INPP4B: variants seen among roughly 807,000 people sequenced by gnomAD.
The protein encoded by INPP4B is inositol polyphosphate 4-phosphatase type II.
A neutral mutation model predicts 122.5 loss-of-function variants in INPP4B; 55 were observed. The ratio of observed to expected loss-of-function variants is 0.45; its 90% CI spans 0.36 to 0.56. The LOEUF (loss-of-function observed/expected upper bound fraction) is 0.56. Among genes scored for constraint, INPP4B ranks in the 20% least tolerant of loss-of-function variants. The probability of loss-of-function intolerance (pLI) is 0.00; values close to 1 mark genes in which losing one functional copy is unlikely to be tolerated. For missense variants in INPP4B, 1,000 were observed against 1,097.7 expected, an observed-to-expected ratio of 0.91 and a Z score of 1.26; for synonymous variants, 403 against 388.7, an observed-to-expected ratio of 1.04 and a Z score of -0.43.
chr4:142,401,154 G>T (rs569276583), intron 7 of INPP4B, among the ~76,000 whole-genome samples: 86 of 151,962 alleles, frequency 5.7e-4, no homozygotes, highest in Non-Finnish European at 1.0e-3. Context: ...CTGCACAGTT[G>T]CATCACCCAC....
At chr4:142,469,823 G>C (rs1818481617) in intron 2 of INPP4B, among the ~76,000 whole-genome samples, 1 of 152,100 alleles carries the variant, frequency 6.6e-6, no homozygotes, top group Admixed American at 6.5e-5. Context: ...AATTGAAATT[G>C]ATATAAATGG....
chr4:142,496,626 T>C (rs776775553), intron 2 of INPP4B, among the ~76,000 whole-genome samples: 1 of 152,182 alleles, frequency 6.6e-6, no homozygotes, highest in East Asian at 1.9e-4. Flanking sequence ...TTGTTTCCTA[T>C]TGCTTTAGAT....
chr4:142,604,623 T>C (rs1740815970), intron 2 of INPP4B, among the ~76,000 whole-genome samples: 1 of 151,726 alleles, frequency 6.6e-6, no homozygotes, highest in South Asian at 2.1e-4. Context: ...ATCCCATATA[T>C]AATAGCTACA....
intron 2 of INPP4B, among the ~76,000 whole-genome samples, chr4:142,494,337 A>G (rs1451433409): frequency 6.6e-6 from 1 of 152,196 alleles, no homozygotes; most frequent in East Asian, 1.9e-4. Context: ...TAAACACTAT[A>G]GATAATATTA....
intron 12 of INPP4B, among the ~76,000 whole-genome samples, chr4:142,233,122 C>T (rs748196031): frequency 3.9e-4 from 59 of 152,058 alleles, no homozygotes; most frequent in Non-Finnish European, 7.3e-4. Context: ...TCATTGATGA[C>T]GGTGGCTATC....
At chr4:142,801,551 C>T (rs868089816) in intron 1 of INPP4B, among the ~76,000 whole-genome samples, 2 of 152,192 alleles carry the variant, frequency 1.3e-5, no homozygotes, top group African/African-American at 4.8e-5. Context: ...ACTCCATCTT[C>T]GACTTTCAGC....
chr4:142,287,625 T>A (rs1012411870), intron 9 of INPP4B: 3 of 152,098 alleles, frequency 2.0e-5, no homozygotes, highest in Non-Finnish European at 4.4e-5. Context: ...AAAAACCCCA[T>A]CCTGTGGAAC....
chr4:142,658,374 T>G (rs1175172239), intron 2 of INPP4B, among the ~76,000 whole-genome samples: 1 of 152,198 alleles, frequency 6.6e-6, no homozygotes, highest in African/African-American at 2.4e-5. Flanking sequence ...AAGGGCTAAC[T>G]AAATGGACTA....
chr4:142,604,076 C>T (rs763038971), intron 2 of INPP4B, among the ~76,000 whole-genome samples: 10 of 151,990 alleles, frequency 6.6e-5, no homozygotes, highest in East Asian at 1.9e-4. Flanking sequence ...GTTCAATACA[C>T]GCAAATCAAT....
At chr4:142,122,693 A>C (rs1056260556) in intron 20 of INPP4B, among the ~76,000 whole-genome samples, 2 of 152,144 alleles carry the variant, frequency 1.3e-5, no homozygotes, top group Non-Finnish European at 2.9e-5. Flanking sequence ...ACTCTCTAAC[A>C]GAAATATGTG....
At chr4:142,587,129 C>G (rs965127289) in intron 2 of INPP4B, among the ~76,000 whole-genome samples, 4 of 152,038 alleles carry the variant, frequency 2.6e-5, no homozygotes, top group African/African-American at 9.7e-5. Context: ...TATGAAATAA[C>G]TGATTTTTTA....
intron 18 of INPP4B, among the ~76,000 whole-genome samples, chr4:142,144,220 GATACACAC>G (rs1561275191): frequency 2.7e-5 from 2 of 74,262 alleles, no homozygotes; most frequent in African/African-American, 1.0e-4. Flanking sequence ...TGAAATACAA[GATACACAC>G]ACACACACAC....
At chr4:142,385,684 A>C (rs866544102) in intron 7 of INPP4B, among the ~76,000 whole-genome samples, 1 of 152,210 alleles carries the variant, frequency 6.6e-6, no homozygotes, top group African/African-American at 2.4e-5. Context: ...TTCATAAAAT[A>C]ACAATGAAAT....
At chr4:142,761,654 C>A (rs1771362066) in intron 1 of INPP4B, among the ~76,000 whole-genome samples, 1 of 152,126 alleles carries the variant, frequency 6.6e-6, no homozygotes, top group African/African-American at 2.4e-5. Flanking sequence ...GTTGACCAAG[C>A]ACTTGTGATA....
chr4:142,535,228 G>A (rs1482681282), intron 2 of INPP4B, among the ~76,000 whole-genome samples: 1 of 152,160 alleles, frequency 6.6e-6, no homozygotes, highest in Non-Finnish European at 1.5e-5. Context: ...CTTGAGTTAA[G>A]TAACAACTCA....
At chr4:142,061,934 A>G (rs1348736419) in intron 25 of INPP4B, among the ~76,000 whole-genome samples, 3 of 98,154 alleles carry the variant, frequency 3.1e-5, no homozygotes, top group Admixed American at 1.1e-4. Context: ...ATATATATAT[A>G]TATATATCTG....
At chr4:142,722,968 A>T (rs1023797035) in intron 2 of INPP4B, among the ~76,000 whole-genome samples, 1 of 152,132 alleles carries the variant, frequency 6.6e-6, no homozygotes, top group Non-Finnish European at 1.5e-5. Context: ...AAACCCTTAA[A>T]ATATCACAAG....
chr4:142,246,230 C>T (rs1332817183), intron 11 of INPP4B, among the ~76,000 whole-genome samples: 1 of 151,720 alleles, frequency 6.6e-6, no homozygotes, highest in African/African-American at 2.4e-5. Context: ...AGCATGATGC[C>T]TCCAGCTTTG....
chr4:142,764,138 T>C (rs17016765), intron 1 of INPP4B, among the ~76,000 whole-genome samples: 8,563 of 152,204 alleles, frequency 0.056, 358 homozygotes, highest in African/African-American at 0.11. Flanking sequence ...CTTTTTGACG[T>C]GTTAGACAAA....
Sources: gnomAD v4.1 joint callset for allele counts (sites outside exome capture counted in the v4.1 genomes callset) on GRCh38, gnomAD v4.1.1 for gene constraint, MANE v1.5 for transcripts, NCBI Gene and HGNC (gene_info 2026-07-23, HGNC 2026-07-21) for gene names.